SIGLEC11: variants seen among roughly 807,000 people sequenced by gnomAD.
SIGLEC11 encodes the protein sialic acid-binding Ig-like lectin 11.
A neutral mutation model predicts 61.2 loss-of-function variants in SIGLEC11; 47 were observed. The ratio of observed to expected loss-of-function variants is 0.77; its 90% CI spans 0.61 to 0.98. SIGLEC11 has a LOEUF of 0.98. Ranked by LOEUF, SIGLEC11 falls within the 50% of genes least tolerant of loss-of-function variation. The pLI is 0.00. For missense variants in SIGLEC11, 610 were observed against 870.3 expected (o/e 0.70, Z 3.76); for synonymous variants, 278 against 373.1 (o/e 0.75, Z 2.94).
intron 8 of SIGLEC11, 24 bp from the exon 9 acceptor site, chr19:49,952,418 TGGTGCC>T: frequency 6.3e-7 from 1 of 1,587,078 alleles, no homozygotes. Flanking sequence ...GGGTTTGGGG[TGGTGCC>T]CTCCTGGCCC....
chr19:49,951,862 G>A lies in SIGLEC11; in HGVS notation c.1830+29C>T, dbSNP rs2076159803. 1.3e-6 allele frequency: 2 copies of A among 1,548,900 alleles called. No individual in the cohort carries two copies. Among genetic ancestry groups the A allele is most frequent in the Non-Finnish European group, 8.7e-7 (1 of 1,145,922 alleles). On this transcript the variant is annotated intron_variant, in intron 10 of 10. Coordinates refer to ENST00000447370, the MANE Select transcript of SIGLEC11 (RefSeq NM_052884.3). This position sits in a 1 kb window ranked among gnomAD's most constrained non-coding sequence, Gnocchi z 4.6. ...CATCAAGGAAAGGGGAACAGGCAGG[G>A]CCCCAGCAGACAGAGGCTGGGCTCT...
At chr19:49,953,430 C>T (rs1371902216) in intron 8 of SIGLEC11, among the ~76,000 whole-genome samples, 1 of 152,060 alleles carries the variant, frequency 6.6e-6, no homozygotes, top group African/African-American at 2.4e-5. Flanking sequence ...CCAACCATCA[C>T]AGGATGTGAG....
rs2076211895 is a variant in SIGLEC11 at position 49,958,272 on chromosome 19, A to G, written c.1651+11T>C. ...TTCTCCCTGAACCTCAGCCCCCCACAGTCCCCTCACCTGGTAGCAGCTGGA... is the reference window on the plus strand; with the variant it reads ...TTCTCCCTGAACCTCAGCCCCCCACGGTCCCCTCACCTGGTAGCAGCTGGA... On this transcript the variant is annotated intron_variant, in intron 8 of 10. Transcript: ENST00000447370. 8.7e-6 allele frequency: 14 copies of G among 1,612,556 alleles called. No homozygotes were observed. Among genetic ancestry groups the G allele is most frequent in the African/African-American group, 5.3e-5 (4 of 74,874 alleles).
At chr19:49,950,343 C>T in intron 10 of SIGLEC11, 107 bp from the exon 11 acceptor site, 3 of 1,231,314 alleles carry the variant, frequency 2.4e-6, no homozygotes, top group Non-Finnish European at 3.2e-6. Context: ...GTTTCACCTA[C>T]TCATTCCACA....
chr19:49,959,068 T>C lies in SIGLEC11; in HGVS notation c.1067A>G (p.Glu356Gly). Reference sequence around the variant, plus strand: ...TTGGGAAACCATCACTCTCAGGTTCTCTGGAGGATCTGAAATGGAGACAGG... The same window carrying C: ...TTGGGAAACCATCACTCTCAGGTTCCCTGGAGGATCTGAAATGGAGACAGG... ...ALDLSVQYPPENLRVMVSQAN... is the reference protein window; with the variant it reads ...ALDLSVQYPPGNLRVMVSQAN... The change falls in exon 6 of 11, where the codon GAG (glutamate) becomes GGG (glycine). Residue 356 changes from glutamate (E) to glycine (G), a missense_variant. Physicochemically the swap from Glu to Gly is moderately conservative, Grantham distance 98. Transcript: ENST00000447370. 1 of 1,613,838 alleles carries C rather than the reference T, an allele frequency of 6.2e-7. No homozygotes were observed. Among genetic ancestry groups the C allele is most frequent in the Non-Finnish European group, 8.5e-7 (1 of 1,179,824 alleles).
chr19:49,956,764 A>C (rs1206602882), intron 8 of SIGLEC11, among the ~76,000 whole-genome samples: 1 of 152,216 alleles, frequency 6.6e-6, no homozygotes, highest in African/African-American at 2.4e-5. Context: ...GGTTGCAGGC[A>C]GTACTTGAAA....
chr19:49,949,395 A>C lies in SIGLEC11; in HGVS notation c.*575T>G, dbSNP rs2076143189. ...TCAACGGGGAATGGCAGTTGCAGCAAACAACTCCAGGAGCTGGCTTCTCGT... is the reference window on the plus strand; with the variant it reads ...TCAACGGGGAATGGCAGTTGCAGCACACAACTCCAGGAGCTGGCTTCTCGT... On this transcript the variant is annotated 3_prime_UTR_variant, in exon 11 of 11. Coordinates refer to ENST00000447370, the MANE Select transcript of SIGLEC11 (RefSeq NM_052884.3). 6.6e-6 allele frequency: 1 copy of C among 151,904 alleles called. No homozygotes were observed. Among genetic ancestry groups the C allele is most frequent in the Non-Finnish European group, 1.5e-5 (1 of 67,984 alleles). The allele number at this position is 151,904 out of a possible 1,614,324, so 9.4% of individuals were successfully genotyped here.
chr19:49,952,070 C>A lies in SIGLEC11; in HGVS notation c.1749-98G>T. 1.6e-6 allele frequency: 2 copies of A among 1,276,214 alleles called. 1 individual carries two copies. Among genetic ancestry groups the A allele is most frequent in the South Asian group, 2.9e-5 (2 of 67,988 alleles). 79.1% of individuals were successfully genotyped at this position (1,276,214 alleles called of 1,614,324 possible). The stretch of plus-strand genomic sequence containing the variant: ...TAGCAGAGGCTGGAAGGCTGCAGAG[C>A]CCAGTGGGGTGGGGACATATCCACG... On this transcript the variant is annotated intron_variant, in intron 9 of 10. Transcript: ENST00000447370.
chr19:49,959,000 A>G (rs2076221453), intron 6 of SIGLEC11, 30 bp downstream of exon 6: 1 of 1,613,498 alleles, frequency 6.2e-7, no homozygotes, highest in South Asian at 1.1e-5. Context: ...TGGCACTGAG[A>G]GGCCCTGGCT....
At chr19:49,952,111 T>A in intron 9 of SIGLEC11, 139 bp from the exon 10 acceptor site, 1 of 1,031,100 alleles carries the variant, frequency 9.7e-7, no homozygotes, top group Non-Finnish European at 1.4e-6. Context: ...ACTTCCATAG[T>A]GAGAACTGGG....
In SIGLEC11 at chr19:49,957,397, C is replaced by CAAA. The variant is rs56847057; in HGVS notation, c.1651+883_1651+885dup. Reference sequence around the variant, plus strand: ...GGCAAGGCAAGGGTTAAAAAAAAAACAAAAAAAACCCAAGTCTTTCTATGC... The same window carrying CAAA: ...GGCAAGGCAAGGGTTAAAAAAAAAACAAAAAAAAAAACCCAAGTCTTTCTATGC... On this transcript the variant is annotated intron_variant, in intron 8 of 10. Coordinates refer to ENST00000447370, the MANE Select transcript of SIGLEC11 (RefSeq NM_052884.3). Among the ~76,000 whole-genome samples, 3,311 of 149,186 alleles carry CAAA rather than the reference C, an allele frequency of 0.022. 338 individuals carry two copies. The East Asian group carries it at 0.28, about 13-fold the overall frequency.
rs201331894 is a variant in SIGLEC11, at chr19:49,960,641, T to A, written c.371A>T (p.Glu124Val). The change falls in exon 2 of 11, where the codon GAG (glutamate) becomes GTG (valine). Residue 124 changes from glutamate (E) to valine (V), a missense_variant. Around this residue, in one of 6 missense-constraint regions of SIGLEC11, gnomAD observed 99 missense variants for 131.6 expected, o/e 0.75. Transcript: ENST00000447370. Reference sequence around the variant, plus strand: ...CCGAAAGAAGTACCATGCCTCATCCTCCCTCTGCGCGTCTCTGATCACCAA... The same window carrying A: ...CCGAAAGAAGTACCATGCCTCATCCACCCTCTGCGCGTCTCTGATCACCAA... Reference protein sequence around the residue: ...CSLVIRDAQREDEAWYFFRVE... With the variant: ...CSLVIRDAQRVDEAWYFFRVE... The A allele has an allele frequency of 1.9e-6, 3 of 1,604,304 alleles. No individual in the cohort carries two copies. The South Asian group carries it at 3.3e-5, about 18-fold the overall frequency.
Position 49,960,155 on chromosome 19 carries a change from C to G in SIGLEC11, c.727G>C (p.Val243Leu). The G allele has an allele frequency of 1.4e-6, 2 of 1,465,488 alleles. No homozygotes were observed. The highest frequency in any genetic ancestry group is 1.9e-6 in the Non-Finnish European group (2 of 1,073,750). 90.8% of individuals were successfully genotyped at this position (1,465,488 alleles called of 1,614,324 possible). ...SRKGVSAQRTVRLRVAYAPKD... is the reference protein window; with the variant it reads ...SRKGVSAQRTLRLRVAYAPKD... Reference sequence around the variant, plus strand: ...CACTCACAGGCCACACGGAGTCGGACGGTCCTCTGTGCGCTCACACCCTTT... The same window carrying G: ...CACTCACAGGCCACACGGAGTCGGAGGGTCCTCTGTGCGCTCACACCCTTT... The change falls in exon 3 of 11, where the codon GTC (valine) becomes CTC (leucine). Residue 243 changes from valine (V) to leucine (L), a missense_variant. Val to Leu is a conservative substitution (Grantham distance 32). Coordinates refer to ENST00000447370, the MANE Select transcript of SIGLEC11 (RefSeq NM_052884.3).
intron 5 of SIGLEC11, 110 bp downstream of exon 5, chr19:49,959,250 A>G (rs766916551): frequency 1.6e-5 from 24 of 1,525,244 alleles, no homozygotes; most frequent in African/African-American, 6.0e-5. Context: ...TAAGAAGGTC[A>G]GTCCCCGAGG....
At chr19:49,957,806 C>T (rs1310266847) in intron 8 of SIGLEC11, among the ~76,000 whole-genome samples, 1 of 152,150 alleles carries the variant, frequency 6.6e-6, no homozygotes, top group African/African-American at 2.4e-5. Context: ...TCGAGACCAG[C>T]CTGGCCAACA....
In SIGLEC11 at chr19:49,955,407, C is replaced by T. The variant is rs892518304; in HGVS notation, c.1651+2876G>A. ...CCTATAACGGCCCAGGGGTGGACTA[C>T]GGCTGTGCAGATCCTACCTAGCCCA... On this transcript the variant is annotated intron_variant, in intron 8 of 10. Transcript: ENST00000447370. The surrounding 1 kb of genome is among the most constrained non-coding windows in gnomAD (Gnocchi z 4.5). 1.3e-5 allele frequency among the ~76,000 whole-genome samples: 2 copies of T among 151,674 alleles called. No homozygotes were observed. Among genetic ancestry groups the T allele is most frequent in the South Asian group, 2.1e-4 (1 of 4,790 alleles).
chr19:49,960,859 G>C lies in SIGLEC11; in HGVS notation c.153C>G (p.Ile51Met), dbSNP rs200199135. 5.8e-4 allele frequency: 931 copies of C among 1,595,564 alleles called. 2 individuals carry two copies. Among genetic ancestry groups the C allele is most frequent in the Admixed American group, 7.2e-4 (43 of 59,468 alleles). Reference sequence around the variant, plus strand: ...GGGGGTAGGAGAGGTTGCAAGACACGATGACACACAGGCCCTCCGGCACCG... The same window carrying C: ...GGGGGTAGGAGAGGTTGCAAGACACCATGACACACAGGCCCTCCGGCACCG... ...QVPVPEGLCV[I>M]VSCNLSYPRD... The change falls in exon 2 of 11, where the codon ATC becomes ATG. Residue 51 changes from isoleucine to methionine, a missense_variant. By Grantham distance (10) the Ile-to-Met change is conservative. Transcript: ENST00000447370.
At chr19:49,952,508 T>A in intron 8 of SIGLEC11, 114 bp from the exon 9 acceptor site, 1 of 664,270 alleles carries the variant, frequency 1.5e-6, no homozygotes, top group Non-Finnish European at 2.5e-6. Flanking sequence ...GGCAGAAATT[T>A]AAAAATAAAT....
At chr19:49,950,787 A>G (rs905699286) in intron 10 of SIGLEC11, among the ~76,000 whole-genome samples, 3 of 152,234 alleles carry the variant, frequency 2.0e-5, no homozygotes, top group African/African-American at 4.8e-5. Flanking sequence ...ATTGCAAATT[A>G]TAAGTGGATG....
Sources: gnomAD v4.1 joint callset for allele counts (sites outside exome capture counted in the v4.1 genomes callset) on GRCh38, gnomAD v4.1.1 for gene constraint, gnomAD v4.1.1 regional missense constraint, Gnocchi (gnomAD v3.1) non-coding constraint, MANE v1.5 for transcripts, NCBI Gene and HGNC (gene_info 2026-07-23, HGNC 2026-07-21) for gene names.